DPYD: variants seen among roughly 807,000 people sequenced by gnomAD.
DPYD encodes dihydropyrimidine dehydrogenase [NADP(+)].
Under a neutral mutation model 116.2 loss-of-function variants are expected in DPYD, and 109 were observed. That is an observed-to-expected ratio of 0.94 (90% CI 0.80 to 1.10). The LOEUF is 1.10. Ranked by LOEUF, DPYD falls within the 50% of genes least tolerant of loss-of-function variation. The pLI is 0.00. For synonymous variants in DPYD, 440 were observed against 432.0 expected (o/e 1.02, Z -0.23); for missense variants, 1,302 against 1,254.5 (o/e 1.04, Z -0.57).
At chr1:97,219,197 C>A (rs1203476337) in intron 19 of DPYD, among the ~76,000 whole-genome samples, 1 of 151,984 alleles carries the variant, frequency 6.6e-6, no homozygotes, top group Non-Finnish European at 1.5e-5. Flanking sequence ...CAGTGGGGTA[C>A]AAAACTGAAT....
At chr1:97,464,707 T>G (rs181632505) in intron 13 of DPYD, among the ~76,000 whole-genome samples, 1 of 152,244 alleles carries the variant, frequency 6.6e-6, no homozygotes, top group Admixed American at 6.5e-5. Context: ...TTTGGGAAAC[T>G]TTGCCTAGAT....
At chr1:97,220,715 C>T (rs1198362135) in intron 19 of DPYD, among the ~76,000 whole-genome samples, 3 of 152,156 alleles carry the variant, frequency 2.0e-5, no homozygotes, top group Non-Finnish European at 4.4e-5. Context: ...ATCTTACTGT[C>T]AATTATATCC....
chr1:97,139,632 T>C (rs1172492179), intron 20 of DPYD, among the ~76,000 whole-genome samples: 4 of 150,700 alleles, frequency 2.7e-5, no homozygotes, highest in African/African-American at 1.0e-4. Context: ...ACTGAAAAGA[T>C]TTTTTATGTT....
intron 12 of DPYD, among the ~76,000 whole-genome samples, chr1:97,540,740 G>T (rs564577336): frequency 2.0e-5 from 3 of 152,272 alleles, no homozygotes; most frequent in African/African-American, 7.2e-5. Flanking sequence ...TGGGGAGCAG[G>T]GCTGAAAGTC....
chr1:97,733,194 A>G (rs971464076), intron 4 of DPYD, among the ~76,000 whole-genome samples: 10 of 152,030 alleles, frequency 6.6e-5, no homozygotes, highest in Non-Finnish European at 1.3e-4. Context: ...CACTCCTTAT[A>G]CCACAATGAA....
intron 12 of DPYD, among the ~76,000 whole-genome samples, chr1:97,523,187 TA>T (rs1648812764): frequency 6.6e-6 from 1 of 152,132 alleles, no homozygotes; most frequent in African/African-American, 2.4e-5. Flanking sequence ...ATGAGAATGG[TA>T]AAAATGGAGA....
intron 2 of DPYD, among the ~76,000 whole-genome samples, chr1:97,832,144 T>A (rs1035700489): frequency 2.0e-5 from 3 of 151,462 alleles, no homozygotes; most frequent in African/African-American, 7.3e-5. Context: ...AGGTACTTTT[T>A]CTAGGAAGTC....
chr1:97,869,878 C>T (rs1248804027), intron 2 of DPYD, among the ~76,000 whole-genome samples: 3 of 151,774 alleles, frequency 2.0e-5, no homozygotes, highest in African/African-American at 7.2e-5. Context: ...AGGTCTTGTG[C>T]ACATATAAAT....
chr1:97,758,383 T>C (rs1260158653), intron 3 of DPYD, among the ~76,000 whole-genome samples: 1 of 151,920 alleles, frequency 6.6e-6, no homozygotes, highest in African/African-American at 2.4e-5. Flanking sequence ...AACAGTTTCA[T>C]TTTAGGGGAA....
At chr1:97,422,640 G>C (rs1038894790) in intron 14 of DPYD, among the ~76,000 whole-genome samples, 2 of 152,080 alleles carry the variant, frequency 1.3e-5, no homozygotes, top group African/African-American at 4.8e-5. Context: ...CACATGACAG[G>C]GTGGTGGATT....
intron 20 of DPYD, among the ~76,000 whole-genome samples, chr1:97,123,357 C>T (rs10875045): frequency 0.17 from 25,102 of 151,988 alleles, 2,210 homozygotes; most frequent in East Asian, 0.31. Flanking sequence ...TTAACTAGTT[C>T]ATTGAGACTT....
intron 16 of DPYD, among the ~76,000 whole-genome samples, chr1:97,322,357 T>G (rs969916818): frequency 1.3e-5 from 2 of 152,038 alleles, no homozygotes; most frequent in African/African-American, 4.8e-5. Context: ...TTTGTTTGCT[T>G]GCTTGTTTTT....
intron 20 of DPYD, among the ~76,000 whole-genome samples, chr1:97,181,806 T>C (rs561169035): frequency 1.3e-5 from 2 of 152,176 alleles, no homozygotes; most frequent in Non-Finnish European, 2.9e-5. Context: ...CCTCTCCATG[T>C]TACGAATAGT....
intron 20 of DPYD, among the ~76,000 whole-genome samples, chr1:97,183,715 ATATCTTAC>A (rs1218099215): frequency 6.6e-6 from 1 of 152,108 alleles, no homozygotes; most frequent in Non-Finnish European, 1.5e-5. Context: ...ACATCTTAAT[ATATCTTAC>A]CATTATTTTA....
At chr1:97,488,722 A>G (rs986077099) in intron 13 of DPYD, among the ~76,000 whole-genome samples, 7 of 152,190 alleles carry the variant, frequency 4.6e-5, no homozygotes, top group Non-Finnish European at 2.9e-5. Flanking sequence ...CCAGTGTGCC[A>G]TGTCAGTTTA....
At chr1:97,546,596 A>G (rs1308010641) in intron 12 of DPYD, 18 of 1,609,606 alleles carry the variant, frequency 1.1e-5, no homozygotes, top group East Asian at 2.2e-5. Flanking sequence ...CATCCTGTGT[A>G]TAGCCTTTAC....
At chr1:97,514,100 C>T (rs191848648) in intron 13 of DPYD, 6 of 718,188 alleles carry the variant, frequency 8.4e-6, no homozygotes, top group Non-Finnish European at 1.0e-5. Flanking sequence ...CATAACTCCC[C>T]TTTTGAACCA....
chr1:97,329,368 C>T (rs1668864326), intron 16 of DPYD, among the ~76,000 whole-genome samples: 1 of 152,114 alleles, frequency 6.6e-6, no homozygotes, highest in Non-Finnish European at 1.5e-5. Context: ...ATGTACACTG[C>T]TAACATTCTT....
intron 13 of DPYD, among the ~76,000 whole-genome samples, chr1:97,513,115 A>G (rs1647929635): frequency 2.6e-5 from 4 of 151,878 alleles, no homozygotes; most frequent in African/African-American, 9.6e-5. Context: ...CTGTAAGTCA[A>G]TGGTCTATCG....
Sources: allele counts gnomAD v4.1 joint callset (sites outside exome capture counted in the v4.1 genomes callset), GRCh38; gene constraint gnomAD v4.1.1; transcripts MANE v1.5; gene names NCBI Gene and HGNC (gene_info 2026-07-23, HGNC 2026-07-21).